Variants in SLC24A3 observed in about 807,000 individuals in gnomAD.
SLC24A3 encodes solute carrier family 24 member 3, also known as sodium/potassium/calcium exchanger 3.
In SLC24A3, 28 loss-of-function variants were observed where a neutral mutation model predicts 75.8. That is an observed-to-expected ratio of 0.37 (90% CI 0.27 to 0.51). The LOEUF is 0.51. SLC24A3 is among the 20% of genes least tolerant of loss of function. The pLI is 0.94. For missense variants in SLC24A3, 663 were observed against 847.8 expected (o/e 0.78, Z 2.71); for synonymous variants, 372 against 334.1 (o/e 1.11, Z -1.24).
rs1986578338 is a variant in SLC24A3, at chr20:19,402,913, C to T, written c.272-112575C>T. ...GGTGTCCAGGACAGTGGCCACTGGC[C>T]ACACATGGCTCTTGAGCACTGGAAA... On this transcript the variant is annotated intron_variant, in intron 2 of 16. Coordinates refer to ENST00000328041, the MANE Select transcript of SLC24A3 (RefSeq NM_020689.4). Among the ~76,000 whole-genome samples the T allele has an allele frequency of 2.0e-5, 3 of 152,202 alleles. No individual in the cohort carries two copies. The South Asian group carries it at 6.2e-4, about 32-fold the overall frequency.
At chr20:19,360,280 G>T (rs530327118) in intron 2 of SLC24A3, among the ~76,000 whole-genome samples, 1 of 152,318 alleles carries the variant, frequency 6.6e-6, no homozygotes, top group South Asian at 2.1e-4. Context: ...TCCTGTCGAT[G>T]TCTGTACAAG....
At chr20:19,395,404 A>AT (rs1986437273) in intron 2 of SLC24A3, among the ~76,000 whole-genome samples, 1 of 152,220 alleles carries the variant, frequency 6.6e-6, no homozygotes, top group Non-Finnish European at 1.5e-5. Flanking sequence ...GAACTGACCA[A>AT]TGTTAACATT....
chr20:19,218,166 C>G (rs956991814), intron 1 of SLC24A3, among the ~76,000 whole-genome samples: 4 of 152,136 alleles, frequency 2.6e-5, no homozygotes, highest in Non-Finnish European at 5.9e-5. Flanking sequence ...ACTACAGTGC[C>G]TGTGATAAAA....
intron 8 of SLC24A3, among the ~76,000 whole-genome samples, chr20:19,668,506 G>A (rs1273797735): frequency 6.6e-6 from 1 of 152,076 alleles, no homozygotes; most frequent in Non-Finnish European, 1.5e-5. Context: ...AGATTTCAAG[G>A]CAGGTAACCA....
chr20:19,337,564 C>T (rs1377965823), intron 2 of SLC24A3, among the ~76,000 whole-genome samples: 1 of 152,142 alleles, frequency 6.6e-6, no homozygotes, highest in East Asian at 1.9e-4. Flanking sequence ...GTTATGAGCT[C>T]AGAACAAGCT....
At chr20:19,589,157 C>G (rs2031338966) in intron 6 of SLC24A3, among the ~76,000 whole-genome samples, 1 of 152,160 alleles carries the variant, frequency 6.6e-6, no homozygotes, top group African/African-American at 2.4e-5. Context: ...GAAAGGTGAT[C>G]CCAGGAAGTG....
chr20:19,324,519 T>C (rs1460204394), intron 2 of SLC24A3, among the ~76,000 whole-genome samples: 3 of 152,228 alleles, frequency 2.0e-5, no homozygotes, highest in Non-Finnish European at 4.4e-5. Context: ...CACAGTCCCA[T>C]GTCCCCCAGG....
chr20:19,639,964 C>T (rs1175227793), intron 6 of SLC24A3, among the ~76,000 whole-genome samples: 1 of 152,280 alleles, frequency 6.6e-6, no homozygotes, highest in Non-Finnish European at 1.5e-5. Context: ...ACCCGGAACT[C>T]CAGCTGGCCC....
chr20:19,308,973 C>T (rs1187459281), intron 2 of SLC24A3, among the ~76,000 whole-genome samples: 8 of 152,210 alleles, frequency 5.3e-5, no homozygotes, highest in Middle Eastern at 3.2e-3. Flanking sequence ...CTGTGAGTCA[C>T]AGTGCACGGA....
intron 1 of SLC24A3, among the ~76,000 whole-genome samples, chr20:19,278,555 T>A (rs968833934): frequency 6.6e-6 from 1 of 152,228 alleles, no homozygotes; most frequent in Non-Finnish European, 1.5e-5. Flanking sequence ...GTTTTGAAAC[T>A]TTTTTGTCTC....
Position 19,693,438 on chromosome 20 carries a change from G to C in SLC24A3, c.1491+13G>C. The C allele has an allele frequency of 6.2e-7, 1 of 1,613,288 alleles. No homozygotes were observed. ...GATGGTGTGGATGGTGAGTGCAATCGGGACCCCATGGCACTGTTAAATCTC... is the reference window on the plus strand; with the variant it reads ...GATGGTGTGGATGGTGAGTGCAATCCGGACCCCATGGCACTGTTAAATCTC... On this transcript the variant is annotated intron_variant, in intron 13 of 16. Coordinates refer to ENST00000328041, the MANE Select transcript of SLC24A3 (RefSeq NM_020689.4).
chr20:19,506,126 A>G lies in SLC24A3; in HGVS notation c.272-9362A>G, dbSNP rs149218533. The stretch of plus-strand genomic sequence containing the variant: ...GATGTTAAAGAATTTTCCCAAAGCC[A>G]CAGAACTTATGAGTGGTAAAGGACG... On this transcript the variant is annotated intron_variant, in intron 2 of 16. Transcript: ENST00000328041. Among the ~76,000 whole-genome samples, 4 of 152,356 alleles carry G rather than the reference A, an allele frequency of 2.6e-5. No homozygotes were observed. The East Asian group carries it at 7.7e-4, about 29-fold the overall frequency.
intron 1 of SLC24A3, among the ~76,000 whole-genome samples, chr20:19,265,360 G>GCTC (rs1209340657): frequency 6.6e-6 from 1 of 152,204 alleles, no homozygotes; most frequent in Non-Finnish European, 1.5e-5. Flanking sequence ...CACTTGAGAG[G>GCTC]CTCTGTGTTC....
intron 7 of SLC24A3, among the ~76,000 whole-genome samples, chr20:19,655,286 T>C (rs1044365412): frequency 1.3e-5 from 2 of 152,262 alleles, no homozygotes; most frequent in Admixed American, 1.3e-4. Flanking sequence ...AAGTGGTGTC[T>C]CCATAAAGAA....
At chr20:19,661,160 C>A (rs1426995966) in intron 7 of SLC24A3, among the ~76,000 whole-genome samples, 1 of 152,088 alleles carries the variant, frequency 6.6e-6, no homozygotes, top group Non-Finnish European at 1.5e-5. Flanking sequence ...AGTTTAACAA[C>A]CCCCATCTCC....
At chr20:19,698,244 C>T (rs923674247) in intron 14 of SLC24A3, among the ~76,000 whole-genome samples, 7 of 152,200 alleles carry the variant, frequency 4.6e-5, no homozygotes, top group Admixed American at 1.3e-4. Context: ...TCCCGCCAAG[C>T]CTCACCTCCA....
At chr20:19,541,907 A>G (rs1037208191) in intron 3 of SLC24A3, among the ~76,000 whole-genome samples, 1 of 152,224 alleles carries the variant, frequency 6.6e-6, no homozygotes, top group African/African-American at 2.4e-5. Context: ...TACTGTGTGC[A>G]CTACCAGCCA....
chr20:19,718,448 A>G (rs993472845), intron 16 of SLC24A3, among the ~76,000 whole-genome samples: 1 of 152,170 alleles, frequency 6.6e-6, no homozygotes, highest in Non-Finnish European at 1.5e-5. Flanking sequence ...AATGTTTTGT[A>G]TACATATCTT....
chr20:19,361,328 A>G (rs1985784266), intron 2 of SLC24A3, among the ~76,000 whole-genome samples: 1 of 152,250 alleles, frequency 6.6e-6, no homozygotes, highest in South Asian at 2.1e-4. Flanking sequence ...GTTTCCTGAT[A>G]GTGGCTTTAG....
Sources: gnomAD v4.1 joint callset for allele counts (sites outside exome capture counted in the v4.1 genomes callset) on GRCh38, gnomAD v4.1.1 for gene constraint, MANE v1.5 for transcripts, NCBI Gene and HGNC (gene_info 2026-07-23, HGNC 2026-07-21) for gene names.